The following SLC29A2 variants were observed in gnomAD, a reference collection of about 807,000 sequenced individuals.
The protein encoded by SLC29A2 is equilibrative nucleoside transporter 2.
In SLC29A2, 37 loss-of-function variants were observed where a neutral mutation model predicts 48.8. The ratio of observed to expected loss-of-function variants is 0.76; its 90% CI spans 0.58 to 1.00. The LOEUF (loss-of-function observed/expected upper bound fraction) is 1.00. SLC29A2 is among the 50% of genes least tolerant of loss of function. The pLI is 0.00. For synonymous variants in SLC29A2, 233 were observed against 261.7 expected, an observed-to-expected ratio of 0.89 and a Z score of 1.06; for missense variants, 533 against 578.6, an observed-to-expected ratio of 0.92 and a Z score of 0.81.
upstream of SLC29A2, chr11:66,372,292 C>A (rs1189693553): frequency 6.6e-6 from 1 of 152,240 alleles, no homozygotes; most frequent in Non-Finnish European, 1.5e-5. Context: ...TTACTTTCAA[C>A]TCCCTACTCT....
rs751780527 is a variant in SLC29A2, at chr11:66,371,609, C to G, written c.-18G>C. On this transcript the variant is annotated 5_prime_UTR_variant, in exon 1 of 12. Coordinates refer to ENST00000357440, the MANE Select transcript of SLC29A2 (RefSeq NM_001532.3). Reference sequence around the variant, plus strand: ...CGCGCCATGGCCGCCGCGGCGGATGCGCCTGGGGTGAAAGGGGCAGAGAAG... The same window carrying G: ...CGCGCCATGGCCGCCGCGGCGGATGGGCCTGGGGTGAAAGGGGCAGAGAAG... The G allele has an allele frequency of 5.2e-6, 8 of 1,546,274 alleles. No homozygotes were observed. The highest frequency in any genetic ancestry group is 1.7e-4 in the Middle Eastern group (1 of 5,802).
Position 66,363,353 on chromosome 11 carries a change from A to G in SLC29A2, c.*83T>C. On this transcript the variant is annotated 3_prime_UTR_variant, in exon 12 of 12. Transcript: ENST00000357440. ...CTCCACCCCGCAGAGGCCTGAGCCAAGCTCGCCATTCGCCCTGGGCTGGAT... is the reference window on the plus strand; with the variant it reads ...CTCCACCCCGCAGAGGCCTGAGCCAGGCTCGCCATTCGCCCTGGGCTGGAT... 1 of 1,146,774 alleles carries G rather than the reference A, an allele frequency of 8.7e-7. No homozygotes were observed. Among genetic ancestry groups the G allele is most frequent in the Non-Finnish European group, 1.3e-6 (1 of 770,042 alleles). The allele number at this position is 1,146,774 out of a possible 1,614,324, so 71.0% of individuals were successfully genotyped here.
Position 66,362,896 on chromosome 11 carries a change from C to A in SLC29A2, c.*540G>T. ...GGGGCCCAGGCCCAGCTGGGCTCTG[C>A]GGAGTGGGTACAGTAAGTGTTGGCA... is the stretch of plus-strand genomic sequence containing the variant. On this transcript the variant is annotated 3_prime_UTR_variant, in exon 12 of 12. Transcript: ENST00000357440. 5.3e-6 allele frequency: 1 copy of A among 187,070 alleles called. No homozygotes were observed. Among genetic ancestry groups the A allele is most frequent in the African/African-American group, 2.4e-5 (1 of 42,372 alleles). 11.6% of individuals were successfully genotyped at this position (187,070 alleles called of 1,614,324 possible). A position where few individuals can be genotyped will look rare whatever the true frequency, so the allele number is the denominator to read the frequency against.
In SLC29A2 at chr11:66,371,125, G is replaced by A; in HGVS notation, c.111+119C>T. The A allele has an allele frequency of 3.6e-6, 3 of 844,694 alleles. No homozygotes were observed. In the South Asian group the frequency reaches 4.3e-5, roughly 12 times the overall value. 52.3% of individuals were successfully genotyped at this position (844,694 alleles called of 1,614,324 possible). A position where few individuals can be genotyped will look rare whatever the true frequency, so the allele number is the denominator to read the frequency against. ...CCCTCTCCGAGCTTCAGCCCATAATGAGCTCAACGAGGGGTCACAGGTGCG... is the reference window on the plus strand; with the variant it reads ...CCCTCTCCGAGCTTCAGCCCATAATAAGCTCAACGAGGGGTCACAGGTGCG... On this transcript the variant is annotated intron_variant, in intron 2 of 11. Transcript: ENST00000357440.
At chr11:66,364,464 G>A (rs911890057) in intron 10 of SLC29A2, 40 bp from the exon 11 acceptor site, 33 of 1,518,170 alleles carry the variant, frequency 2.2e-5, no homozygotes, top group Non-Finnish European at 2.9e-5. Context: ...CCTGGAGCCA[G>A]GTCTCTGCTC....
Position 66,365,984 on chromosome 11 carries a change from G to A in SLC29A2, c.1011C>T (p.Phe337=), listed in dbSNP as rs773728336. 2.5e-6 allele frequency: 4 copies of A among 1,614,214 alleles called. No individual in the cohort carries two copies. The highest frequency in any genetic ancestry group is 3.4e-6 in the Non-Finnish European group (4 of 1,180,030). The change falls in exon 10 of 12, where the codon TTC becomes TTT. Residue 337 remains phenylalanine, a synonymous_variant. Coordinates refer to ENST00000357440, the MANE Select transcript of SLC29A2 (RefSeq NM_001532.3). ...FFNPICCFLL[F]NIMDWLGRSL... is the part of the protein sequence containing the mutation. ...TCCGTCCCAGCCAGTCCATGATGTT[G>A]AAGAGGAGGAAGCAGCAGATGGGGT...
At position 66,369,126 on chromosome 11, in the gene SLC29A2, C is replaced by T; in HGVS notation, c.349G>A (p.Val117Ile). The T allele has an allele frequency of 6.3e-7, 1 of 1,590,326 alleles. No homozygotes were observed. The highest frequency in any genetic ancestry group is 8.6e-7 in the Non-Finnish European group (1 of 1,168,726). ...GGTCCGGGGCTCATGTCCACCTTGA[C>T]CAGCGCTGCTGTCAGGGCAAAGAGC... ...LLLFALTAAL[V>I]KVDMSPGPFF... The change falls in exon 4 of 12, where the codon GTC (valine) becomes ATC (isoleucine). Residue 117 changes from valine to isoleucine, a missense_variant. Val to Ile is a conservative substitution (Grantham distance 29, BLOSUM62 3). Transcript: ENST00000357440.
chr11:66,371,794 G>A (rs147534190), upstream of SLC29A2: 205 of 585,352 alleles, frequency 3.5e-4, 1 homozygote, highest in African/African-American at 3.6e-3. Context: ...GCTCCGCCCC[G>A]AGGCGGGGAC....
In SLC29A2 at chr11:66,364,740, C is replaced by T. The variant is rs1855573641; in HGVS notation, c.1060-316G>A. The T allele has an allele frequency of 1.1e-5, 3 of 268,080 alleles. 1 individual carries two copies. The highest frequency in any genetic ancestry group is 9.6e-5 in the South Asian group (2 of 20,798). 16.6% of individuals were successfully genotyped at this position (268,080 alleles called of 1,614,324 possible). On this transcript the variant is annotated intron_variant, in intron 10 of 11. Coordinates refer to ENST00000357440, the MANE Select transcript of SLC29A2 (RefSeq NM_001532.3). ...CAGGCTGGTCTCGAACTTCTGACCT[C>T]GAGTGTTCCACCTGCCTCAGCCTCC...
Position 66,366,168 on chromosome 11 carries a change from TGGC to T in SLC29A2, c.928_930del (p.Ala310del). On this transcript the variant is annotated inframe_deletion, in exon 9 of 12. Coordinates refer to ENST00000357440, the MANE Select transcript of SLC29A2 (RefSeq NM_001532.3). Reference sequence around the variant, plus strand: ...GTGGAGCTGGTCACCATGGCTGTGATGGCGGGGAAGACGGACAGGGTGACTGTG... The same window carrying T: ...GTGGAGCTGGTCACCATGGCTGTGATGGGGAAGACGGACAGGGTGACTGTG... 3 of 1,614,208 alleles carry T rather than the reference TGGC, an allele frequency of 1.9e-6. No individual in the cohort carries two copies. Among genetic ancestry groups the T allele is most frequent in the Non-Finnish European group, 2.5e-6 (3 of 1,180,040 alleles).
intron 4 of SLC29A2, 51 bp from the exon 5 acceptor site, chr11:66,368,722 G>A: frequency 6.4e-7 from 1 of 1,567,516 alleles, no homozygotes; most frequent in South Asian, 1.2e-5. Flanking sequence ...AGACTCAGAG[G>A]CTCCCTGGAG....
In SLC29A2 at chr11:66,363,327, C is replaced by T; in HGVS notation, c.*109G>A. On this transcript the variant is annotated 3_prime_UTR_variant, in exon 12 of 12. Coordinates refer to ENST00000357440, the MANE Select transcript of SLC29A2 (RefSeq NM_001532.3). ...CTGCTGGCAGCCTCAGGCCCAGGGG[C>T]CTCCACCCCGCAGAGGCCTGAGCCA... The T allele has an allele frequency of 1.2e-6, 1 of 845,600 alleles. No homozygotes were observed. Among genetic ancestry groups the T allele is most frequent in the Non-Finnish European group, 2.0e-6 (1 of 502,372 alleles). 52.4% of individuals were successfully genotyped at this position (845,600 alleles called of 1,614,324 possible).
chr11:66,371,793 C>T (rs1191731860), upstream of SLC29A2: 6 of 582,820 alleles, frequency 1.0e-5, no homozygotes, highest in African/African-American at 9.8e-5. Context: ...GGCTCCGCCC[C>T]GAGGCGGGGA....
chr11:66,371,599 G>C lies in SLC29A2; in HGVS notation c.-8C>G, dbSNP rs1856049527. On this transcript the variant is annotated 5_prime_UTR_variant, in exon 1 of 12. Transcript: ENST00000357440. ...GGCGTCTCCTCGCGCCATGGCCGCCGCGGCGGATGCGCCTGGGGTGAAAGG... is the reference window on the plus strand; with the variant it reads ...GGCGTCTCCTCGCGCCATGGCCGCCCCGGCGGATGCGCCTGGGGTGAAAGG... The C allele has an allele frequency of 6.5e-7, 1 of 1,547,822 alleles. No homozygotes were observed. The highest frequency in any genetic ancestry group is 1.4e-5 in the African/African-American group (1 of 73,240).
At position 66,365,945 on chromosome 11, in the gene SLC29A2, G is replaced by A; in HGVS notation, c.1050C>T (p.Tyr350=). Residue 350 remains tyrosine (Y), a synonymous_variant, in exon 10 of 12, where the codon TAC becomes TAT. Coordinates refer to ENST00000357440, the MANE Select transcript of SLC29A2 (RefSeq NM_001532.3). ...MDWLGRSLTS[Y]FLWPDEDSRL... The stretch of plus-strand genomic sequence containing the variant: ...GCCCTGGTGTGCTTACCCACAGGAA[G>A]TAAGAGGTCAGGCTCCGTCCCAGCC... The A allele has an allele frequency of 6.2e-7, 1 of 1,614,118 alleles. No individual in the cohort carries two copies. Among genetic ancestry groups the A allele is most frequent in the South Asian group, 1.1e-5 (1 of 91,084 alleles).
Position 66,369,433 on chromosome 11 carries a change from C to A in SLC29A2, c.211G>T (p.Val71Leu). 6.2e-7 allele frequency: 1 copy of A among 1,614,098 alleles called. No individual in the cohort carries two copies. The highest frequency in any genetic ancestry group is 8.5e-7 in the Non-Finnish European group (1 of 1,179,994). Reference sequence around the variant, plus strand: ...AGGGGCAGCTGGGACAGCAGCGTCACCCAATTGTTGAAGTTGAAGGCATCC... The same window carrying A: ...AGGGGCAGCTGGGACAGCAGCGTCAACCAATTGTTGAAGTTGAAGGCATCC... ...PEDAFNFNNW[V>L]TLLSQLPLLL... is the part of the protein sequence containing the mutation. The change falls in exon 3 of 12, where the codon GTG becomes TTG. Residue 71 changes from valine to leucine, a missense_variant. Val to Leu is a conservative substitution (Grantham distance 32, BLOSUM62 1). Coordinates refer to ENST00000357440, the MANE Select transcript of SLC29A2 (RefSeq NM_001532.3).
rs761213658 is a variant in SLC29A2, at chr11:66,366,229, G to C, written c.870C>G (p.Ile290Met). The change falls in exon 9 of 12, where the codon ATC becomes ATG. Residue 290 changes from isoleucine (I) to methionine (M), a missense_variant and splice_region_variant. Coordinates refer to ENST00000357440, the MANE Select transcript of SLC29A2 (RefSeq NM_001532.3). Reference sequence around the variant, plus strand: ...ACACAAGGCACAGCGCTGTCAGCCAGATCTGGGAGCCAGAGGCAGGGGTGT... The same window carrying C: ...ACACAAGGCACAGCGCTGTCAGCCACATCTGGGAGCCAGAGGCAGGGGTGT... ...KPSVFTVFQK[I>M]WLTALCLVLV... is the part of the protein sequence containing the mutation. 9 of 1,613,918 alleles carry C rather than the reference G, an allele frequency of 5.6e-6. No homozygotes were observed. The highest frequency in any genetic ancestry group is 1.7e-4 in the Middle Eastern group (1 of 6,052).
chr11:66,364,196 G>T, intron 11 of SLC29A2, 29 bp downstream of exon 11: 7 of 1,406,940 alleles, frequency 5.0e-6, no homozygotes, highest in Non-Finnish European at 6.9e-6. Context: ...CCTACTCCCA[G>T]CCCCCCACCC....
rs1486590262 is a variant in SLC29A2 at position 66,362,987 on chromosome 11, TC to T, written c.*448del. On this transcript the variant is annotated 3_prime_UTR_variant, in exon 12 of 12. Transcript: ENST00000357440. ...CCCTCAGGTCCTCCACATCTGTTCC[TC>T]CTCTCAGGTGCCCACAACTTCCCTG... The T allele has an allele frequency of 3.9e-6, 1 of 259,370 alleles. No individual in the cohort carries two copies. The highest frequency in any genetic ancestry group is 7.7e-6 in the Non-Finnish European group (1 of 130,138). 16.1% of individuals were successfully genotyped at this position (259,370 alleles called of 1,614,324 possible).
Sources: gnomAD v4.1 joint callset for allele counts on GRCh38, gnomAD v4.1.1 for gene constraint, MANE v1.5 for transcripts, NCBI Gene and HGNC (gene_info 2026-07-23, HGNC 2026-07-21) for gene names.